Variants in ABCA1 observed in about 807,000 individuals in gnomAD.
The protein encoded by ABCA1 is ATP binding cassette subfamily A member 1, also known as phospholipid-transporting ATPase ABCA1.
ABCA1 carries 133 observed loss-of-function variants against 262.5 expected under a neutral mutation model. That is an observed-to-expected ratio of 0.51 (90% CI 0.44 to 0.59). The LOEUF (loss-of-function observed/expected upper bound fraction) is 0.59, where lower values mean the gene tolerates loss of function less well. Ranked by LOEUF, ABCA1 falls within the 20% of genes least tolerant of loss-of-function variation. ABCA1 has a pLI of 0.00. For missense variants in ABCA1, 2,452 were observed against 2,777.5 expected (o/e 0.88, Z 2.63); for synonymous variants, 1,022 against 1,043.5 (o/e 0.98, Z 0.40).
At position 104,848,793 on chromosome 9, in the gene ABCA1, T is replaced by C. The variant is rs546364024; in HGVS notation, c.721-3224A>G. 1.5e-3 allele frequency among the ~76,000 whole-genome samples: 229 copies of C among 152,178 alleles called. 1 individual carries two copies. Among genetic ancestry groups the C allele is most frequent in the African/African-American group, 5.2e-3 (215 of 41,514 alleles). On this transcript the variant is annotated intron_variant, in intron 7 of 49. Transcript: ENST00000374736. ...TTGCGCCAACGTGCTTGGTGGTATA[T>C]TCTGTGTCTGGTCCGCATACTACAA...
chr9:104,832,698 T>C lies in ABCA1; in HGVS notation c.1385A>G (p.Asp462Gly), dbSNP rs369574889. ...QLDGLDWTAQ[D>G]IVAFLAKHPE... ...GTGCTTGGCCAAAAACGCCACGATGTCTTGGGCTGTCCAATCTAAGCCATC... is the reference window on the plus strand; with the variant it reads ...GTGCTTGGCCAAAAACGCCACGATGCCTTGGGCTGTCCAATCTAAGCCATC... The change falls in exon 12 of 50, where the codon GAC becomes GGC. Residue 462 changes from aspartate (D) to glycine (G), a missense_variant. Around this residue, in one of 4 missense-constraint regions of ABCA1, gnomAD observed 1,032 missense variants for 1,089.7 expected, o/e 0.95. Coordinates refer to ENST00000374736, the MANE Select transcript of ABCA1 (RefSeq NM_005502.4). 6.2e-6 allele frequency: 10 copies of C among 1,614,090 alleles called. No homozygotes were observed. In the Admixed American group the frequency reaches 1.0e-4, roughly 16 times the overall value.
At chr9:104,784,836 G>T (rs970542567) in intron 49 of ABCA1, among the ~76,000 whole-genome samples, 3 of 152,066 alleles carry the variant, frequency 2.0e-5, no homozygotes, top group Admixed American at 6.6e-5. Context: ...TAGAGACGGG[G>T]TTTCACCCTG....
At chr9:104,811,007 A>C in intron 28 of ABCA1, 83 bp from the exon 29 acceptor site, 1 of 1,598,560 alleles carries the variant, frequency 6.3e-7, no homozygotes, top group Non-Finnish European at 8.5e-7. Flanking sequence ...AATCCCTACG[A>C]GTCCAGCCCA....
At chr9:104,869,248 A>G (rs1837372169) in intron 5 of ABCA1, among the ~76,000 whole-genome samples, 1 of 150,980 alleles carries the variant, frequency 6.6e-6, no homozygotes, top group Non-Finnish European at 1.5e-5. Flanking sequence ...ATGAAAAAAA[A>G]GGAGAAGTAG....
intron 1 of ABCA1, among the ~76,000 whole-genome samples, chr9:104,910,675 A>C (rs1229732650): frequency 1.3e-5 from 2 of 152,212 alleles, no homozygotes; most frequent in Non-Finnish European, 2.9e-5. Context: ...TGAAATTTCC[A>C]ACAACAGCTA....
At chr9:104,805,193 G>A (rs56083958) in intron 31 of ABCA1, among the ~76,000 whole-genome samples, 4,312 of 152,210 alleles carry the variant, frequency 0.028, 208 homozygotes, top group African/African-American at 0.096. Flanking sequence ...TCCTGCTTCA[G>A]CCTCCCAAGT....
Position 104,792,845 on chromosome 9 carries a change from G to A in ABCA1, c.5698C>T (p.Gln1900Ter). 1.2e-6 allele frequency: 2 copies of A among 1,614,118 alleles called. No homozygotes were observed. Among genetic ancestry groups the A allele is most frequent in the Non-Finnish European group, 1.7e-6 (2 of 1,180,006 alleles). The change falls in exon 42 of 50, where the codon CAG (glutamine) becomes TAG (stop). Residue 1900 changes from glutamine (Q) to a stop codon, truncating the protein, a stop_gained. Transcript: ENST00000374736. LOFTEE classifies it high-confidence loss of function. ...DEDEDVRRER[Q>*]RILDGGGQND... ...TGGCCTCCACCATCAAGAATTCTCT[G>A]TCTTTCCCGCCTCACATCTTCATCT... is the stretch of plus-strand genomic sequence containing the variant.
chr9:104,813,170 C>T (rs1329900939), intron 27 of ABCA1, among the ~76,000 whole-genome samples: 1 of 152,170 alleles, frequency 6.6e-6, no homozygotes, highest in Non-Finnish European at 1.5e-5. Flanking sequence ...TTCAAATGAT[C>T]TAAGTACTGA....
chr9:104,786,219 G>T, intron 48 of ABCA1, 79 bp downstream of exon 48: 1 of 1,187,130 alleles, frequency 8.4e-7, no homozygotes. Context: ...TATGTTAGAG[G>T]CACCATTTAT....
At chr9:104,923,662 G>C (rs1424773945) in intron 1 of ABCA1, among the ~76,000 whole-genome samples, 3 of 152,208 alleles carry the variant, frequency 2.0e-5, no homozygotes, top group Admixed American at 2.0e-4. Context: ...CCTCTTGCAA[G>C]GTATATAGCC....
rs780321144 is a variant in ABCA1 at position 104,786,943 on chromosome 9, G to A, written c.6238C>T (p.Arg2080Trp). 5.6e-6 allele frequency: 9 copies of A among 1,613,896 alleles called. No individual in the cohort carries two copies. The highest frequency in any genetic ancestry group is 7.6e-6 in the Non-Finnish European group (9 of 1,179,980). Residue 2080 changes from arginine (R) to tryptophan (W), a missense_variant, in exon 47 of 50, where the codon CGG becomes TGG. By Grantham distance (101) the Arg-to-Trp change is moderately radical. This residue lies in a region of ABCA1 where 752 missense variants were observed against 944.5 expected (regional missense o/e 0.80). Coordinates refer to ENST00000374736, the MANE Select transcript of ABCA1 (RefSeq NM_005502.4). ...AGGGCACAATTCCACAAGAACCGCC[G>A]GGCTTTGGGATCCATGCCTGTGGTG... The part of the protein sequence containing the change: ...EPTTGMDPKA[R>W]RFLWNCALSV...
chr9:104,885,193 G>A (rs745584372), intron 3 of ABCA1, among the ~76,000 whole-genome samples: 3 of 152,078 alleles, frequency 2.0e-5, no homozygotes, highest in Middle Eastern at 3.2e-3. Flanking sequence ...CCAAGATCGC[G>A]CCATTTCACT....
intron 5 of ABCA1, among the ~76,000 whole-genome samples, chr9:104,872,059 T>G (rs1837669143): frequency 1.3e-5 from 2 of 152,216 alleles, no homozygotes; most frequent in South Asian, 4.1e-4. Context: ...TTCTAACTTT[T>G]AAAATTAACA....
At chr9:104,906,871 T>A (rs1477409626) in intron 1 of ABCA1, among the ~76,000 whole-genome samples, 1 of 151,706 alleles carries the variant, frequency 6.6e-6, no homozygotes, top group Admixed American at 6.6e-5. Flanking sequence ...CTGGAAAGGA[T>A]CCCACTTCAC....
In ABCA1 at chr9:104,862,684, C is replaced by CAGGGCAGGGCAGGGCA. The variant is rs1836687330; in HGVS notation, c.422-885_422-884insTGCCCTGCCCTGCCCT. Among the ~76,000 whole-genome samples the CAGGGCAGGGCAGGGCA allele has an allele frequency of 1.4e-3, 12 of 8,850 alleles. 3 individuals carry two copies. The highest frequency in any genetic ancestry group is 5.1e-3 in the African/African-American group (11 of 2,146). The allele number at this position is 8,850 out of a possible 152,430, so 5.8% of individuals were successfully genotyped here. ...CGGGCCGGGCCGGGCCGGGCCGGGC[C>CAGGGCAGGGCAGGGCA]GGGCCGGGCCGGGCCGGCCCCCACC... On this transcript the variant is annotated intron_variant, in intron 5 of 49. Coordinates refer to ENST00000374736, the MANE Select transcript of ABCA1 (RefSeq NM_005502.4).
chr9:104,820,350 T>C (rs55909938), intron 20 of ABCA1, among the ~76,000 whole-genome samples: 146 of 152,082 alleles, frequency 9.6e-4, no homozygotes, highest in Admixed American at 2.2e-3. Context: ...ACTTTCAATT[T>C]CAGGGCCCCA....
At chr9:104,793,349 C>T (rs1829596856) in intron 40 of ABCA1, 49 bp from the exon 41 acceptor site, 2 of 1,613,408 alleles carry the variant, frequency 1.2e-6, no homozygotes, top group East Asian at 2.2e-5. Context: ...GATCAAAAAC[C>T]ATGGCCCTTC....
intron 29 of ABCA1, among the ~76,000 whole-genome samples, chr9:104,809,793 C>T (rs751862950): frequency 3.7e-4 from 56 of 151,966 alleles, no homozygotes; most frequent in Non-Finnish European, 6.3e-4. Flanking sequence ...TTTAAATGGG[C>T]TGTATGTATA....
rs2118884764 is a variant in ABCA1, at chr9:104,798,530, C to T, written c.5012G>A (p.Ser1671Asn). 6.2e-7 allele frequency: 1 copy of T among 1,614,140 alleles called. No homozygotes were observed. The highest frequency in any genetic ancestry group is 8.5e-7 in the Non-Finnish European group (1 of 1,180,028). Residue 1671 changes from serine to asparagine, a missense_variant, in exon 37 of 50, where the codon AGC becomes AAC. Around this residue, in one of 4 missense-constraint regions of ABCA1, gnomAD observed 752 missense variants for 944.5 expected, o/e 0.80. Coordinates refer to ENST00000374736, the MANE Select transcript of ABCA1 (RefSeq NM_005502.4). ...VIFAMSFVPA[S>N]FVVFLIQERV... ...CTCCTGGATCAGGAATACGACAAAG[C>T]TGGCTGGGACGAAGGACATTGCAAA...
Sources: allele counts gnomAD v4.1 joint callset (sites outside exome capture counted in the v4.1 genomes callset), GRCh38; gene constraint gnomAD v4.1.1; regional missense constraint gnomAD v4.1.1; transcripts MANE v1.5; gene names NCBI Gene and HGNC (gene_info 2026-07-23, HGNC 2026-07-21).